The following RBFOX1 variants were observed in gnomAD, a reference collection of about 807,000 sequenced individuals.
The protein encoded by RBFOX1 is RNA binding protein fox-1 homolog 1.
In RBFOX1, 8 loss-of-function variants were observed where a neutral mutation model predicts 57.7. The observed-to-expected ratio is 0.14, with a 90% CI of 0.08 to 0.25. The LOEUF is 0.25. Ranked by LOEUF, RBFOX1 falls within the 10% of genes least tolerant of loss-of-function variation. RBFOX1 has a pLI of 1.00. For missense variants in RBFOX1, 611 were observed against 548.5 expected (o/e 1.11, Z -1.14); for synonymous variants, 326 against 222.4 (o/e 1.47, Z -4.15).
intron 11 of RBFOX1, among the ~76,000 whole-genome samples, chr16:7,632,819 T>G (rs1284267187): frequency 1.3e-5 from 2 of 152,244 alleles, no homozygotes; most frequent in Non-Finnish European, 2.9e-5. Flanking sequence ...GGGCTAATGG[T>G]TACCATATTG....
intron 3 of RBFOX1, among the ~76,000 whole-genome samples, chr16:6,978,999 C>T (rs2087888675): frequency 6.6e-6 from 1 of 152,152 alleles, no homozygotes; most frequent in African/African-American, 2.4e-5. Flanking sequence ...TTGACTCTTT[C>T]TGACATCCAG....
chr16:6,431,936 TC>T (rs1354153153), intron 2 of RBFOX1, among the ~76,000 whole-genome samples: 1 of 151,190 alleles, frequency 6.6e-6, no homozygotes, highest in Non-Finnish European at 1.5e-5. Context: ...TTTCTTTCTT[TC>T]TTTCTTTCTT....
intron 2 of RBFOX1, among the ~76,000 whole-genome samples, chr16:6,606,039 G>T (rs1026401730): frequency 5.9e-5 from 9 of 152,136 alleles, no homozygotes; most frequent in African/African-American, 2.2e-4. Context: ...AACCCAGGAG[G>T]TGGAGGTTGC....
At chr16:6,602,250 T>C (rs893907646) in intron 2 of RBFOX1, among the ~76,000 whole-genome samples, 3 of 152,218 alleles carry the variant, frequency 2.0e-5, no homozygotes, top group Admixed American at 6.5e-5. Flanking sequence ...TTGGCAAATA[T>C]TCTCTCCCAT....
chr16:6,646,541 A>AT (rs2098536508), intron 2 of RBFOX1, among the ~76,000 whole-genome samples: 1 of 152,122 alleles, frequency 6.6e-6, no homozygotes, highest in Admixed American at 6.5e-5. Context: ...TAGTTCGTTG[A>AT]TTAACACCTG....
rs558315800 is a variant in RBFOX1, at chr16:5,569,539, TTCTCAGAA to T, written c.259-29361_259-29354del. 9.6e-3 allele frequency among the ~76,000 whole-genome samples: 1,412 copies of T among 147,108 alleles called. 14 individuals carry two copies. Among genetic ancestry groups the T allele is most frequent in the Non-Finnish European group, 0.013 (864 of 66,756 alleles). ...AAATTCAGCTCATCATCTCATTCGA[TTCTCAGAA>T]TAGATCTATGCGGTGGATACATACC... On this transcript the variant is annotated intron_variant, in intron 2 of 2. Coordinates refer to the RBFOX1 transcript ENST00000585867.
chr16:7,168,312 T>G (rs187853616), intron 4 of RBFOX1, among the ~76,000 whole-genome samples: 16 of 152,256 alleles, frequency 1.1e-4, no homozygotes, highest in Admixed American at 9.2e-4. Context: ...AGGTCTGTTT[T>G]GCAGCTGAGA....
intron 4 of RBFOX1, among the ~76,000 whole-genome samples, chr16:7,243,284 G>C (rs1270265843): frequency 6.6e-6 from 1 of 152,048 alleles, no homozygotes; most frequent in Non-Finnish European, 1.5e-5. Context: ...GCGTGGTCAG[G>C]GTGTGCCACG....
intron 1 of RBFOX1, among the ~76,000 whole-genome samples, chr16:5,459,928 A>T (rs1476051702): frequency 6.6e-6 from 1 of 151,950 alleles, no homozygotes; most frequent in East Asian, 1.9e-4. Context: ...CCGTGTCGCC[A>T]CTCCGAGTTC....
At position 6,604,786 on chromosome 16, in the gene RBFOX1, T is replaced by A. The variant is rs889935243; in HGVS notation, c.-63-49817T>A. ...CCAAGATTCTATAATTCTTTCTTTC[T>A]TACCAATTAATTGGTGCTTGAGATT... On this transcript the variant is annotated intron_variant, in intron 2 of 15. Coordinates refer to ENST00000550418, the MANE Select transcript of RBFOX1 (RefSeq NM_018723.4). Among the ~76,000 whole-genome samples the A allele has an allele frequency of 6.6e-5, 10 of 152,142 alleles. 1 individual carries two copies. Among genetic ancestry groups the A allele is most frequent in the Admixed American group, 6.6e-5 (1 of 15,266 alleles).
chr16:6,931,325 C>CTATG (rs1287849890), intron 3 of RBFOX1, among the ~76,000 whole-genome samples: 2 of 127,132 alleles, frequency 1.6e-5, no homozygotes, highest in African/African-American at 6.6e-5. Flanking sequence ...ATCTATCTAT[C>CTATG]TATCTATCTA....
intron 1 of RBFOX1, among the ~76,000 whole-genome samples, chr16:6,212,811 A>AT (rs1186893458): frequency 6.6e-6 from 1 of 152,114 alleles, no homozygotes; most frequent in African/African-American, 2.4e-5. Context: ...ATACTCTTTA[A>AT]TTTTTTCTCC....
chr16:6,440,892 A>T (rs1478897777), intron 2 of RBFOX1, among the ~76,000 whole-genome samples: 1 of 151,828 alleles, frequency 6.6e-6, no homozygotes, highest in African/African-American at 2.4e-5. Flanking sequence ...AGTATGGATG[A>T]GCTGGGAGAA....
chr16:5,359,985 A>T (rs1404655655), intron 1 of RBFOX1, among the ~76,000 whole-genome samples: 1 of 152,220 alleles, frequency 6.6e-6, no homozygotes, highest in African/African-American at 2.4e-5. Context: ...AGCGAAAACA[A>T]TCCAAAACAT....
intron 4 of RBFOX1, among the ~76,000 whole-genome samples, chr16:7,420,912 CATAT>C (rs572840849): frequency 2.1e-5 from 3 of 141,084 alleles, no homozygotes; most frequent in African/African-American, 5.3e-5. Context: ...CATATATATA[CATAT>C]ATATATATAC....
chr16:7,339,417 GAGA>G (rs2096851654), intron 4 of RBFOX1, among the ~76,000 whole-genome samples: 1 of 152,146 alleles, frequency 6.6e-6, no homozygotes, highest in Non-Finnish European at 1.5e-5. Flanking sequence ...ATTCTGGAGA[GAGA>G]AGGAGAGAGG....
chr16:6,484,154 G>A (rs1164698145), intron 2 of RBFOX1, among the ~76,000 whole-genome samples: 1 of 152,166 alleles, frequency 6.6e-6, no homozygotes, highest in East Asian at 1.9e-4. Flanking sequence ...CGTTTATTAA[G>A]AACCGATGTA....
intron 2 of RBFOX1, among the ~76,000 whole-genome samples, chr16:5,549,487 T>G (rs1484397841): frequency 2.0e-5 from 3 of 152,172 alleles, no homozygotes; most frequent in Non-Finnish European, 4.4e-5. Context: ...GGAAATGACA[T>G]AGCGAGTAAG....
rs181181799 is a variant in RBFOX1, at chr16:7,683,902, G to C, written c.995+7064G>C. On this transcript the variant is annotated intron_variant, in intron 14 of 15. Transcript: ENST00000550418. ...GTAAAGCAGAAGATAGAATATCTTA[G>C]CTCATGCAGCATTTGTGGATGTGGC... Among the ~76,000 whole-genome samples, 714 of 152,132 alleles carry C rather than the reference G, an allele frequency of 4.7e-3. 5 individuals carry two copies. The highest frequency in any genetic ancestry group is 0.016 in the African/African-American group (670 of 41,518).
Sources: gnomAD v4.1 joint callset for allele counts (sites outside exome capture counted in the v4.1 genomes callset) on GRCh38, gnomAD v4.1.1 for gene constraint, MANE v1.5 for transcripts, NCBI Gene and HGNC (gene_info 2026-07-23, HGNC 2026-07-21) for gene names.